Variants in RAB12 observed in about 807,000 individuals in gnomAD.
RAB12 encodes ras-related protein Rab-12.
A neutral mutation model predicts 28.4 loss-of-function variants in RAB12; 11 were observed. The ratio of observed to expected loss-of-function variants is 0.39; its 90% confidence interval spans 0.24 to 0.64. RAB12 has a LOEUF of 0.64. Among genes scored for constraint, RAB12 ranks in the 30% least tolerant of loss-of-function variants. The pLI is 0.50. For missense variants in RAB12, 276 were observed against 351.1 expected (o/e 0.79, Z 1.71); for synonymous variants, 138 against 145.3 (o/e 0.95, Z 0.36).
In RAB12 at chr18:8,629,665, C is replaced by T. The variant is rs149868904; in HGVS notation, c.576-3524C>T. 1.8e-3 allele frequency among the ~76,000 whole-genome samples: 268 copies of T among 152,318 alleles called. 3 individuals are homozygous for T. The highest frequency in any genetic ancestry group is 1.2e-3 in the East Asian group (6 of 5,190). On this transcript the variant is annotated intron_variant, in intron 2 of 5. Transcript: ENST00000649141. The stretch of plus-strand genomic sequence containing the variant: ...GGAAATGAATTTGCCAGTGAGCTTT[C>T]GTGCTTGTTTGACAATAAGGCATCA...
At chr18:8,623,188 T>A (rs112592608) in intron 1 of RAB12, among the ~76,000 whole-genome samples, 2,202 of 152,262 alleles carry the variant, frequency 0.014, 52 homozygotes, top group African/African-American at 0.05. Flanking sequence ...GGGTATTGAT[T>A]GGGGAAGTGA....
chr18:8,619,983 A>G (rs1015348723), intron 1 of RAB12, among the ~76,000 whole-genome samples: 2 of 151,906 alleles, frequency 1.3e-5, no homozygotes, highest in Admixed American at 6.6e-5. Flanking sequence ...CAAAAACCAA[A>G]ATCAGTTAGT....
chr18:8,639,076 G>T lies in RAB12; in HGVS notation c.*814G>T, dbSNP rs2096020625. The T allele has an allele frequency of 7.4e-6, 1 of 135,730 alleles. No homozygotes were observed. The highest frequency in any genetic ancestry group is 1.5e-5 in the Non-Finnish European group (1 of 65,384). 8.4% of individuals were successfully genotyped at this position (135,730 alleles called of 1,614,324 possible). A position where few individuals can be genotyped will look rare whatever the true frequency, so the allele number is the denominator to read the frequency against. On this transcript the variant is annotated 3_prime_UTR_variant, in exon 6 of 6. Transcript: ENST00000649141. ...ATACGTGTATTTGCCTAAACACTCT[G>T]TACCTTTGTAATGATAAAACTTCCC... is the stretch of plus-strand genomic sequence containing the variant.
intron 5 of RAB12, among the ~76,000 whole-genome samples, chr18:8,636,595 A>G (rs1598314902): frequency 1.3e-5 from 2 of 152,188 alleles, no homozygotes; most frequent in East Asian, 1.9e-4. Context: ...TCGCCTTAAG[A>G]TACAGCAGGG....
Position 8,638,341 on chromosome 18 carries a change from A to T in RAB12, c.*79A>T, listed in dbSNP as rs2096020167. ...TCTATTCTGCACTACAATCATTTTG[A>T]CAATTTCCTTTCGCACTTTGTAATC... is the stretch of plus-strand genomic sequence containing the variant. On this transcript the variant is annotated 3_prime_UTR_variant, in exon 6 of 6. Coordinates refer to ENST00000649141, the MANE Select transcript of RAB12 (RefSeq NM_001025300.3). The T allele has an allele frequency of 1.0e-6, 1 of 1,001,784 alleles. No individual in the cohort carries two copies. Among genetic ancestry groups the T allele is most frequent in the African/African-American group, 1.6e-5 (1 of 62,124 alleles). The allele number at this position is 1,001,784 out of a possible 1,614,324, so 62.1% of individuals were successfully genotyped here.
At chr18:8,637,480 T>G (rs1252140273) in intron 5 of RAB12, among the ~76,000 whole-genome samples, 1 of 152,228 alleles carries the variant, frequency 6.6e-6, no homozygotes, top group East Asian at 1.9e-4. Flanking sequence ...ATTGTTCATG[T>G]TGTGATATGA....
chr18:8,623,213 A>G (rs1316758854), intron 1 of RAB12, among the ~76,000 whole-genome samples: 4 of 152,322 alleles, frequency 2.6e-5, no homozygotes, highest in East Asian at 3.9e-4. Flanking sequence ...TGTCGATGGA[A>G]TCTTCACAAT....
In RAB12 at chr18:8,609,525, G is replaced by T; in HGVS notation, c.86G>T (p.Gly29Val). The T allele has an allele frequency of 6.6e-6, 1 of 150,996 alleles. No homozygotes were observed. The highest frequency in any genetic ancestry group is 1.5e-5 in the Non-Finnish European group (1 of 68,320). The allele number at this position is 150,996 out of a possible 1,614,324, so 9.4% of individuals were successfully genotyped here. ...GGCAGCGGCGGAGGAGGAGGAGGAG[G>T]GGACCCGGGCGCAGAGAGCCGGCCG... Reference protein sequence around the residue: ...GGGSGGGGGGGDPGAESRPAA... With the variant: ...GGGSGGGGGGVDPGAESRPAA... The change falls in exon 1 of 6, where the codon GGG (glycine) becomes GTG (valine). Residue 29 changes from glycine (G) to valine (V), a missense_variant. Gly to Val is a moderately radical substitution (Grantham distance 109). Around this residue, in one of 4 missense-constraint regions of RAB12, gnomAD observed 72 missense variants for 55.5 expected, o/e 1.30. Coordinates refer to ENST00000649141, the MANE Select transcript of RAB12 (RefSeq NM_001025300.3).
chr18:8,617,266 C>A (rs2096007212), intron 1 of RAB12, among the ~76,000 whole-genome samples: 1 of 152,168 alleles, frequency 6.6e-6, no homozygotes, highest in African/African-American at 2.4e-5. Context: ...ATAAAAAAAT[C>A]CTTACCCTTT....
intron 2 of RAB12, among the ~76,000 whole-genome samples, chr18:8,627,030 A>G (rs2096013118): frequency 6.6e-6 from 1 of 152,246 alleles, no homozygotes; most frequent in South Asian, 2.1e-4. Context: ...ATCTTCTGAA[A>G]TATTTTATTT....
At chr18:8,625,854 C>T (rs1027665898) in intron 2 of RAB12, among the ~76,000 whole-genome samples, 5 of 152,162 alleles carry the variant, frequency 3.3e-5, no homozygotes, top group East Asian at 1.9e-4. Flanking sequence ...CTTTCATCTG[C>T]GTTAATTGCT....
intron 3 of RAB12, among the ~76,000 whole-genome samples, chr18:8,634,450 G>A (rs1408451409): frequency 1.3e-5 from 2 of 151,820 alleles, no homozygotes; most frequent in Admixed American, 6.6e-5. Context: ...TCCCTGATAC[G>A]GAAGTCACAG....
Position 8,634,283 on chromosome 18 carries a change from CTTTTTTT to C in RAB12, c.714+970_714+976del, listed in dbSNP as rs752637908. Among the ~76,000 whole-genome samples the C allele has an allele frequency of 2.0e-3, 182 of 92,604 alleles. 6 individuals are homozygous for C. The South Asian group carries it at 0.059, about 30-fold the overall frequency. The allele number at this position is 92,604 out of a possible 152,430, so 60.8% of individuals were successfully genotyped here. A position where few individuals can be genotyped will look rare whatever the true frequency, so the allele number is the denominator to read the frequency against. On this transcript the variant is annotated intron_variant, in intron 3 of 5. Transcript: ENST00000649141. Reference sequence around the variant, plus strand: ...AGTGGGACTCCATCTCTCTCTCTCTCTTTTTTTTTTTTTTTTTTTTCATTAAAAAAAA... The same window carrying C: ...AGTGGGACTCCATCTCTCTCTCTCTCTTTTTTTTTTTTTCATTAAAAAAAA...
At chr18:8,630,172 G>A (rs1385949761) in intron 2 of RAB12, among the ~76,000 whole-genome samples, 1 of 152,176 alleles carries the variant, frequency 6.6e-6, no homozygotes, top group African/African-American at 2.4e-5. Flanking sequence ...GACAACCTGT[G>A]CCCAAAGTGG....
chr18:8,619,562 A>G (rs2096008606), intron 1 of RAB12, among the ~76,000 whole-genome samples: 1 of 152,218 alleles, frequency 6.6e-6, no homozygotes, highest in Non-Finnish European at 1.5e-5. Context: ...GAGCCACTTC[A>G]GAACATCTCA....
chr18:8,610,806 G>C (rs2096003371), intron 1 of RAB12, among the ~76,000 whole-genome samples: 1 of 152,206 alleles, frequency 6.6e-6, no homozygotes, highest in South Asian at 2.1e-4. Context: ...ATAAAGGGCA[G>C]TCACTTCCGT....
At chr18:8,626,992 A>T (rs938703207) in intron 2 of RAB12, among the ~76,000 whole-genome samples, 1 of 152,276 alleles carries the variant, frequency 6.6e-6, no homozygotes, top group Non-Finnish European at 1.5e-5. Context: ...CATTTTGTTG[A>T]TCACATAATA....
intron 5 of RAB12, among the ~76,000 whole-genome samples, chr18:8,636,806 C>T (rs2096019228): frequency 6.6e-6 from 1 of 152,204 alleles, no homozygotes; most frequent in Non-Finnish European, 1.5e-5. Context: ...AGAGACCTTT[C>T]CATGATGCTG....
At chr18:8,635,901 A>G (rs1266483330) in intron 4 of RAB12, 2 of 431,830 alleles carry the variant, frequency 4.6e-6, no homozygotes, top group East Asian at 4.2e-5. Context: ...AGTTGCTTTT[A>G]TAATTTACTT....
Sources: allele counts gnomAD v4.1 joint callset (sites outside exome capture counted in the v4.1 genomes callset), GRCh38; gene constraint gnomAD v4.1.1; regional missense constraint gnomAD v4.1.1; transcripts MANE v1.5; gene names NCBI Gene and HGNC (gene_info 2026-07-23, HGNC 2026-07-21).